The following CEP170 variants were observed in gnomAD, a reference collection of about 807,000 sequenced individuals.
The protein encoded by CEP170 is centrosomal protein of 170 kDa.
Under a neutral mutation model 151.9 loss-of-function variants are expected in CEP170, and 21 were observed. The observed-to-expected ratio is 0.14, with a 90% CI of 0.10 to 0.20. The LOEUF (loss-of-function observed/expected upper bound fraction) is 0.20, where lower values mean the gene tolerates loss of function less well. Ranked by LOEUF, CEP170 falls within the 10% of genes least tolerant of loss-of-function variation. The pLI, the probability that CEP170 is intolerant of heterozygous loss-of-function variation, is 1.00. For synonymous variants in CEP170, 356 were observed against 648.8 expected, an observed-to-expected ratio of 0.55 and a Z score of 6.86; for missense variants, 964 against 1,892.9, an observed-to-expected ratio of 0.51 and a Z score of 9.11.
In CEP170 at chr1:243,200,815, C is replaced by G; in HGVS notation, c.295G>C (p.Val99Leu). ...TCAGGGACCCTCATTTCTCCTTGTA[C>G]TACAGTGAAAAGATTTGTATGTAAA... ...FGYDTNLFTVVQGEMRVPEEA... is the reference protein window; with the variant it reads ...FGYDTNLFTVLQGEMRVPEEA... Residue 99 changes from valine (V) to leucine (L), a missense_variant, in exon 5 of 20, where the codon GTA becomes CTA. Transcript: ENST00000366542. The G allele has an allele frequency of 6.2e-7, 1 of 1,610,634 alleles. No individual in the cohort carries two copies. The highest frequency in any genetic ancestry group is 8.5e-7 in the Non-Finnish European group (1 of 1,178,760).
At chr1:243,254,049 T>C (rs930802820) in intron 1 of CEP170, among the ~76,000 whole-genome samples, 4 of 152,132 alleles carry the variant, frequency 2.6e-5, no homozygotes, top group South Asian at 2.1e-4. Flanking sequence ...ATTCTGCTTG[T>C]TCATTTCCCT....
chr1:243,131,412 T>C (rs1486417081), intron 17 of CEP170, among the ~76,000 whole-genome samples: 1 of 151,900 alleles, frequency 6.6e-6, no homozygotes, highest in African/African-American at 2.4e-5. Context: ...GGATTGCTTG[T>C]GCCCAGGGAG....
At chr1:243,217,310 T>C (rs2062386940) in intron 3 of CEP170, among the ~76,000 whole-genome samples, 1 of 152,202 alleles carries the variant, frequency 6.6e-6, no homozygotes, top group African/African-American at 2.4e-5. Flanking sequence ...GATAACTAGA[T>C]ACAGTATTGA....
intron 10 of CEP170, among the ~76,000 whole-genome samples, chr1:243,174,151 T>C (rs1425640349): frequency 1.3e-5 from 2 of 152,078 alleles, no homozygotes; most frequent in Non-Finnish European, 2.9e-5. Context: ...AATGGCGTGC[T>C]TTTCTTTTAT....
chr1:243,207,942 A>T (rs1267031746), intron 4 of CEP170, among the ~76,000 whole-genome samples: 1 of 152,116 alleles, frequency 6.6e-6, no homozygotes, highest in African/African-American at 2.4e-5. Flanking sequence ...AATCAAATAG[A>T]AAACAGAAAA....
intron 4 of CEP170, among the ~76,000 whole-genome samples, chr1:243,209,271 G>A (rs1359477694): frequency 6.6e-6 from 1 of 152,148 alleles, no homozygotes; most frequent in Admixed American, 6.5e-5. Context: ...TGCAACCTCC[G>A]CCTCCCAGGT....
chr1:243,168,204 A>C (rs2058577648), intron 12 of CEP170: 1 of 152,018 alleles, frequency 6.6e-6, no homozygotes, highest in Non-Finnish European at 1.5e-5. Context: ...AGATTCTAAT[A>C]TAAATAAATG....
intron 1 of CEP170, among the ~76,000 whole-genome samples, chr1:243,236,505 C>A (rs2064267393): frequency 6.6e-6 from 1 of 152,166 alleles, no homozygotes; most frequent in South Asian, 2.1e-4. Context: ...CTCCAAGATT[C>A]TCTCCTCGAG....
intron 3 of CEP170, among the ~76,000 whole-genome samples, chr1:243,216,643 C>T (rs990918018): frequency 6.6e-6 from 1 of 151,926 alleles, no homozygotes; most frequent in African/African-American, 2.4e-5. Flanking sequence ...AGTTTTAAGT[C>T]TACAAAAGAA....
intron 13 of CEP170, among the ~76,000 whole-genome samples, chr1:243,158,439 G>A (rs376918638): frequency 4.6e-5 from 7 of 152,074 alleles, no homozygotes; most frequent in African/African-American, 7.2e-5. Flanking sequence ...ATATGAAAAC[G>A]TAAGTATGAT....
chr1:243,191,547 G>C, intron 7 of CEP170, 53 bp from the exon 8 acceptor site: 2 of 1,399,930 alleles, frequency 1.4e-6, no homozygotes, highest in Non-Finnish European at 1.9e-6. Flanking sequence ...TCTGGCACTT[G>C]AGGGAGTCTG....
intron 1 of CEP170, among the ~76,000 whole-genome samples, chr1:243,251,820 G>A (rs368594987): frequency 6.6e-6 from 1 of 151,962 alleles, no homozygotes. Flanking sequence ...CTTTGCTTTT[G>A]CTGTTTTGTT....
intron 2 of CEP170, among the ~76,000 whole-genome samples, chr1:243,223,195 T>A (rs1017413400): frequency 5.3e-5 from 8 of 152,138 alleles, no homozygotes; most frequent in Non-Finnish European, 1.2e-4. Flanking sequence ...ATGTAGGCTC[T>A]CAATAAATAC....
chr1:243,239,949 G>A (rs1345984463), intron 1 of CEP170, among the ~76,000 whole-genome samples: 1 of 152,122 alleles, frequency 6.6e-6, no homozygotes, highest in Non-Finnish European at 1.5e-5. Context: ...AAACTTTTCT[G>A]GTGAAGTTTT....
intron 13 of CEP170, among the ~76,000 whole-genome samples, chr1:243,157,809 G>A (rs12074594): frequency 4.4e-4 from 67 of 152,216 alleles, no homozygotes; most frequent in Middle Eastern, 3.4e-3. Context: ...ACTCTACAAC[G>A]AGGAATATGC....
chr1:243,187,805 C>G (rs1172871839), intron 8 of CEP170, among the ~76,000 whole-genome samples: 2 of 151,974 alleles, frequency 1.3e-5, no homozygotes, highest in Admixed American at 6.6e-5. Flanking sequence ...TGAGAAGACA[C>G]AGAAGAGAGA....
intron 14 of CEP170, among the ~76,000 whole-genome samples, chr1:243,153,066 C>A (rs2057257951): frequency 6.6e-6 from 1 of 152,122 alleles, no homozygotes; most frequent in South Asian, 2.1e-4. Context: ...TCATGGATGA[C>A]TTTGAGGGTT....
intron 1 of CEP170, among the ~76,000 whole-genome samples, chr1:243,242,942 C>T (rs1245875266): frequency 6.6e-6 from 1 of 152,068 alleles, no homozygotes; most frequent in African/African-American, 2.4e-5. Flanking sequence ...TCCGGTGATT[C>T]ACCTGCCTCG....
intron 14 of CEP170, among the ~76,000 whole-genome samples, chr1:243,143,658 C>A (rs2056143708): frequency 1.4e-5 from 2 of 146,106 alleles, no homozygotes; most frequent in African/African-American, 2.6e-5. Context: ...TTTGGAATGA[C>A]AGAATATTAT....
Sources: gnomAD v4.1 joint callset for allele counts (sites outside exome capture counted in the v4.1 genomes callset) on GRCh38, gnomAD v4.1.1 for gene constraint, MANE v1.5 for transcripts, NCBI Gene and HGNC (gene_info 2026-07-23, HGNC 2026-07-21) for gene names.